The following KDM4B variants were observed in gnomAD, a reference collection of about 807,000 sequenced individuals.
The protein encoded by KDM4B is lysine demethylase 4B.
A neutral mutation model predicts 125.2 loss-of-function variants in KDM4B; 32 were observed. The observed-to-expected ratio is 0.26, with a 90% CI of 0.19 to 0.34. KDM4B has a LOEUF of 0.34. Ranked by LOEUF, KDM4B falls within the 10% of genes least tolerant of loss-of-function variation. The pLI, the probability that KDM4B is intolerant of heterozygous loss-of-function variation, is 1.00. For missense variants in KDM4B, 1,190 were observed against 1,577.7 expected (o/e 0.75, Z 4.16); for synonymous variants, 721 against 677.9 (o/e 1.06, Z -0.99).
chr19:5,105,481 G>T (rs1203214644), intron 9 of KDM4B, among the ~76,000 whole-genome samples: 3 of 152,230 alleles, frequency 2.0e-5, no homozygotes, highest in African/African-American at 7.2e-5. Context: ...CGCCCGGGCT[G>T]GAGTGCTGTG....
Position 5,082,263 on chromosome 19 carries a change from G to T in KDM4B, c.781-104G>T. On this transcript the variant is annotated intron_variant, in intron 8 of 22. Transcript: ENST00000159111. The surrounding 1 kb of genome is among the most constrained non-coding windows in gnomAD (Gnocchi z 5.4). ...CCTTTGACTTTGTGAAACCCCCTTG[G>T]CTCATAAGCCAGGCTCCCTGGCACT... 3.6e-6 allele frequency: 5 copies of T among 1,407,196 alleles called. 1 individual carries two copies. In the South Asian group the frequency reaches 6.3e-5, roughly 18 times the overall value. 87.2% of individuals were successfully genotyped at this position (1,407,196 alleles called of 1,614,324 possible).
chr19:5,047,473 C>T lies in KDM4B; in HGVS notation c.433-3C>T, dbSNP rs531250177. 1.6e-5 allele frequency: 25 copies of T among 1,598,670 alleles called. No homozygotes were observed. In the South Asian group the frequency reaches 2.3e-4, roughly 15 times the overall value. Reference sequence around the variant, plus strand: ...TTGCCGACGCTGCTCTGCCGCCCCACAGGACGTGGCCCAGTGGAACATCGG... The same window carrying T: ...TTGCCGACGCTGCTCTGCCGCCCCATAGGACGTGGCCCAGTGGAACATCGG... On this transcript the variant is annotated splice_region_variant and splice_polypyrimidine_tract_variant and intron_variant, in intron 5 of 22. Coordinates refer to ENST00000159111, the MANE Select transcript of KDM4B (RefSeq NM_015015.3).
intron 9 of KDM4B, among the ~76,000 whole-genome samples, chr19:5,105,391 G>A (rs994139374): frequency 1.3e-5 from 2 of 152,228 alleles, no homozygotes; most frequent in African/African-American, 2.4e-5. Flanking sequence ...GTTACACTGC[G>A]AGTTACACTA....
At chr19:5,138,953 C>G (rs2039696195) in intron 18 of KDM4B, among the ~76,000 whole-genome samples, 2 of 152,212 alleles carry the variant, frequency 1.3e-5, no homozygotes, top group South Asian at 4.1e-4. Context: ...CAGGGTCTCT[C>G]ACTCTGTTAC....
At chr19:5,107,426 A>T (rs977340248) in intron 9 of KDM4B, among the ~76,000 whole-genome samples, 4 of 151,860 alleles carry the variant, frequency 2.6e-5, no homozygotes, top group Non-Finnish European at 5.9e-5. Flanking sequence ...CCCTCCAGTC[A>T]CTCCTGCACA....
chr19:4,998,785 C>T (rs938913214), intron 1 of KDM4B, among the ~76,000 whole-genome samples: 1 of 152,100 alleles, frequency 6.6e-6, no homozygotes, highest in Non-Finnish European at 1.5e-5. Flanking sequence ...GTTTTGGGGG[C>T]GTACAGGCCG....
At chr19:5,085,160 CA>C (rs2038450740) in intron 9 of KDM4B, among the ~76,000 whole-genome samples, 1 of 152,166 alleles carries the variant, frequency 6.6e-6, no homozygotes, top group African/African-American at 2.4e-5. Context: ...AGAAAAAGAA[CA>C]GGGGTCTACA....
rs542363058 is a variant in KDM4B, at chr19:5,125,883, C to T, written c.1316-5193C>T. On this transcript the variant is annotated intron_variant, in intron 11 of 22. Transcript: ENST00000159111. ...GTTTTCTTGGACACAGCCGTTTTCC[C>T]GGGAGCCCGAAGTCCCAGGAGCCTC... is the stretch of plus-strand genomic sequence containing the variant. Among the ~76,000 whole-genome samples the T allele has an allele frequency of 5.0e-4, 76 of 151,152 alleles. 1 individual carries two copies. The highest frequency in any genetic ancestry group is 1.6e-3 in the African/African-American group (66 of 41,300).
chr19:5,010,523 G>A (rs963542687), intron 1 of KDM4B, among the ~76,000 whole-genome samples: 4 of 152,164 alleles, frequency 2.6e-5, no homozygotes, highest in Non-Finnish European at 5.9e-5. Flanking sequence ...GCTCTTTCCT[G>A]CAGGAAATAT....
At chr19:5,040,433 C>T (rs1052641204) in intron 4 of KDM4B, among the ~76,000 whole-genome samples, 4 of 152,226 alleles carry the variant, frequency 2.6e-5, no homozygotes, top group African/African-American at 7.2e-5. Context: ...ACAGGGCACA[C>T]GCACGTCCAT....
chr19:5,151,882 A>T lies in KDM4B; in HGVS notation c.*371A>T, dbSNP rs570350443. ...CTCTTTCTATAAATACATATTGTTT[A>T]AAAAAAAGCAAGAAAAAAAGGAAAA... On this transcript the variant is annotated 3_prime_UTR_variant, in exon 23 of 23. Coordinates refer to ENST00000159111, the MANE Select transcript of KDM4B (RefSeq NM_015015.3). 9.1e-5 allele frequency: 18 copies of T among 198,848 alleles called. No homozygotes were observed. Among genetic ancestry groups the T allele is most frequent in the Non-Finnish European group, 1.2e-4 (12 of 98,976 alleles). The allele number at this position is 198,848 out of a possible 1,614,324, so 12.3% of individuals were successfully genotyped here. A position where few individuals can be genotyped will look rare whatever the true frequency, so the allele number is the denominator to read the frequency against.
chr19:5,069,505 T>G (rs1253618338), intron 6 of KDM4B, among the ~76,000 whole-genome samples: 1 of 151,944 alleles, frequency 6.6e-6, no homozygotes, highest in Non-Finnish European at 1.5e-5. Flanking sequence ...AGGCGGGGTT[T>G]CACCATGTTG....
chr19:5,037,766 CCA>C (rs2036675948), intron 3 of KDM4B, among the ~76,000 whole-genome samples: 1 of 152,216 alleles, frequency 6.6e-6, no homozygotes, highest in Non-Finnish European at 1.5e-5. Flanking sequence ...GTCGTGAAAG[CCA>C]CAGACATCCC....
At chr19:5,037,357 C>T (rs184636585) in intron 3 of KDM4B, among the ~76,000 whole-genome samples, 4 of 152,358 alleles carry the variant, frequency 2.6e-5, no homozygotes, top group Admixed American at 6.5e-5. Flanking sequence ...GTCTGGGACA[C>T]AGGCCCTTTT....
At chr19:5,026,935 G>T (rs112650778) in intron 2 of KDM4B, among the ~76,000 whole-genome samples, 1 of 152,208 alleles carries the variant, frequency 6.6e-6, no homozygotes, top group South Asian at 2.1e-4. Context: ...GGGGCAGGGC[G>T]GTGGGAGCAG....
At chr19:4,983,488 A>G (rs901796436) in intron 1 of KDM4B, among the ~76,000 whole-genome samples, 5 of 152,198 alleles carry the variant, frequency 3.3e-5, no homozygotes, top group Non-Finnish European at 7.4e-5. Context: ...CTATCTTCCC[A>G]GTGGGCTCTC....
At chr19:5,012,107 G>T (rs2035747411) in intron 1 of KDM4B, among the ~76,000 whole-genome samples, 1 of 152,176 alleles carries the variant, frequency 6.6e-6, no homozygotes, top group African/African-American at 2.4e-5. Flanking sequence ...CCCCTTGCCA[G>T]TTCTATTCCT....
intron 6 of KDM4B, among the ~76,000 whole-genome samples, chr19:5,059,747 T>C (rs1237962749): frequency 6.6e-6 from 1 of 151,860 alleles, no homozygotes; most frequent in Non-Finnish European, 1.5e-5. Flanking sequence ...CAGTGGGTGC[T>C]GTGTGTCTGT....
At chr19:4,979,021 T>C (rs929718693) in intron 1 of KDM4B, among the ~76,000 whole-genome samples, 1 of 152,108 alleles carries the variant, frequency 6.6e-6, no homozygotes, top group Non-Finnish European at 1.5e-5. Flanking sequence ...GGAGGCCGGA[T>C]GGCTGTAACC....
Sources: gnomAD v4.1 joint callset for allele counts (sites outside exome capture counted in the v4.1 genomes callset) on GRCh38, gnomAD v4.1.1 for gene constraint, Gnocchi (gnomAD v3.1) non-coding constraint, MANE v1.5 for transcripts, NCBI Gene and HGNC (gene_info 2026-07-23, HGNC 2026-07-21) for gene names.